Variants in CMTM4 observed in about 807,000 individuals in gnomAD.
The protein encoded by CMTM4 is CKLF-like MARVEL transmembrane domain-containing protein 4.
CMTM4 carries 8 observed loss-of-function variants against 19.0 expected under a neutral mutation model. The ratio of observed to expected loss-of-function variants is 0.42; its 90% confidence interval spans 0.25 to 0.76. The LOEUF is 0.76. Ranked by LOEUF, CMTM4 falls within the 30% of genes least tolerant of loss-of-function variation. CMTM4 has a pLI of 0.27. For synonymous variants in CMTM4, 106 were observed against 121.1 expected (o/e 0.88, Z 0.82); for missense variants, 228 against 290.2 (o/e 0.79, Z 1.56).
the CMTM4 span, among the ~76,000 whole-genome samples, chr16:66,601,101 GTGTGTC>G: frequency 1.4e-5 from 2 of 145,926 alleles, no homozygotes; most frequent in African/African-American, 5.3e-5. Flanking sequence ...GTGTGTGTGT[GTGTGTC>G]TGTGTGTGTG....
chr16:66,620,813 GAT>G lies in CMTM4; in HGVS notation c.*1243_*1244del, dbSNP rs1185757638. On this transcript the variant is annotated 3_prime_UTR_variant, in exon 4 of 4. Coordinates refer to ENST00000394106, the MANE Select transcript of CMTM4 (RefSeq NM_181521.3). The stretch of plus-strand genomic sequence containing the variant: ...ACTAAAACAACTTTTTTCCATAAAA[GAT>G]ATAATTACTCTCTAATTTTTTAAAA... The G allele has an allele frequency of 7.1e-6, 7 of 985,130 alleles. No individual in the cohort carries two copies. Among genetic ancestry groups the G allele is most frequent in the Non-Finnish European group, 7.2e-6 (6 of 829,600 alleles). The allele number at this position is 985,130 out of a possible 1,614,324, so 61.0% of individuals were successfully genotyped here. A position where few individuals can be genotyped will look rare whatever the true frequency, so the allele number is the denominator to read the frequency against.
the CMTM4 span, chr16:66,609,578 C>T: frequency 1.3e-6 from 2 of 1,544,738 alleles, no homozygotes; most frequent in Non-Finnish European, 8.8e-7. The surrounding 1 kb of genome is among the most constrained non-coding windows in gnomAD (Gnocchi z 4.4). Context: ...CCCCTCTAGC[C>T]CCTCATTTAG....
At chr16:66,669,768 T>C (rs1439969454) in intron 1 of CMTM4, among the ~76,000 whole-genome samples, 1 of 151,974 alleles carries the variant, frequency 6.6e-6, no homozygotes, top group Non-Finnish European at 1.5e-5. Context: ...ATGGTCTCGA[T>C]CTCCTGACCT....
chr16:66,688,849 T>G (rs1161458315), intron 1 of CMTM4, among the ~76,000 whole-genome samples: 1 of 152,234 alleles, frequency 6.6e-6, no homozygotes, highest in East Asian at 1.9e-4. Context: ...AGTGAGCAGA[T>G]TCTATACATG....
At chr16:66,648,806 T>C (rs528558230) in intron 1 of CMTM4, among the ~76,000 whole-genome samples, 2 of 151,934 alleles carry the variant, frequency 1.3e-5, no homozygotes, top group African/African-American at 4.8e-5. Context: ...ACCCCATCTC[T>C]ACTAAAAATA....
At chr16:66,608,966 T>C in the CMTM4 span, among the ~76,000 whole-genome samples, 4 of 152,122 alleles carry the variant, frequency 2.6e-5, no homozygotes, top group African/African-American at 9.7e-5. The surrounding 1 kb of genome is among the most constrained non-coding windows in gnomAD (Gnocchi z 5.1). Flanking sequence ...CTTGACTTCA[T>C]ATCCAGCATC....
the CMTM4 span, among the ~76,000 whole-genome samples, chr16:66,600,199 G>A: frequency 1.4e-5 from 2 of 146,894 alleles, no homozygotes; most frequent in African/African-American, 2.5e-5. Flanking sequence ...CTGGAGTGCA[G>A]TGGCACGATC....
At chr16:66,684,325 C>G (rs2016995507) in intron 1 of CMTM4, among the ~76,000 whole-genome samples, 2 of 152,068 alleles carry the variant, frequency 1.3e-5, no homozygotes, top group African/African-American at 2.4e-5. Flanking sequence ...AAGTACCCAC[C>G]ACCAAGCCTA....
In CMTM4 at chr16:66,620,779, A is replaced by C. The variant is rs1446897670; in HGVS notation, c.*1279T>G. ...ATTAAAAACAGTTCAAAGAGGGAAA[A>C]CCTGACAAACTAAAACAACTTTTTT... On this transcript the variant is annotated 3_prime_UTR_variant, in exon 4 of 4. Coordinates refer to ENST00000394106, the MANE Select transcript of CMTM4 (RefSeq NM_181521.3). 2.0e-6 allele frequency: 2 copies of C among 985,618 alleles called. No individual in the cohort carries two copies. Among genetic ancestry groups the C allele is most frequent in the African/African-American group, 3.5e-5 (2 of 57,216 alleles). The allele number at this position is 985,618 out of a possible 1,614,324, so 61.1% of individuals were successfully genotyped here.
At chr16:66,602,428 C>T in the CMTM4 span, among the ~76,000 whole-genome samples, 3 of 152,092 alleles carry the variant, frequency 2.0e-5, no homozygotes, top group Non-Finnish European at 2.9e-5. Flanking sequence ...TAGGTCCACA[C>T]GTGTTTGTGT....
chr16:66,638,531 T>C (rs559765057), intron 1 of CMTM4, among the ~76,000 whole-genome samples: 52 of 152,342 alleles, frequency 3.4e-4, no homozygotes, highest in African/African-American at 1.2e-3. Context: ...CATGGTGACT[T>C]AGTCAACAAC....
intron 1 of CMTM4, among the ~76,000 whole-genome samples, chr16:66,667,099 C>T (rs1389870778): frequency 6.6e-6 from 1 of 152,132 alleles, no homozygotes; most frequent in African/African-American, 2.4e-5. Flanking sequence ...CCGAGGCAGG[C>T]GGATCACCTG....
chr16:66,665,706 G>A (rs1241915172), intron 1 of CMTM4, among the ~76,000 whole-genome samples: 2 of 151,858 alleles, frequency 1.3e-5, no homozygotes, highest in Non-Finnish European at 2.9e-5. Context: ...AACCCAGGAG[G>A]CAGAGGCTGC....
At chr16:66,686,629 G>C (rs1407951514) in intron 1 of CMTM4, among the ~76,000 whole-genome samples, 1 of 151,918 alleles carries the variant, frequency 6.6e-6, no homozygotes, top group Non-Finnish European at 1.5e-5. Context: ...GAGCCATTAG[G>C]ACTTACAGAG....
chr16:66,635,628 G>C (rs2015976738), intron 2 of CMTM4, among the ~76,000 whole-genome samples: 1 of 152,220 alleles, frequency 6.6e-6, no homozygotes, highest in South Asian at 2.1e-4. Flanking sequence ...CAGCAGCTGA[G>C]GTGCCCACGG....
At chr16:66,637,498 C>T (rs931078244) in intron 1 of CMTM4, among the ~76,000 whole-genome samples, 1 of 152,038 alleles carries the variant, frequency 6.6e-6, no homozygotes, top group South Asian at 2.1e-4. Flanking sequence ...AAGCTGAGAT[C>T]GCGCCATTGC....
chr16:66,647,409 T>C (rs1011927014), intron 1 of CMTM4, among the ~76,000 whole-genome samples: 1 of 152,176 alleles, frequency 6.6e-6, no homozygotes, highest in East Asian at 1.9e-4. Flanking sequence ...GTTCTCTTTT[T>C]AGTCCAGATT....
At chr16:66,682,608 A>G (rs1350849423) in intron 1 of CMTM4, among the ~76,000 whole-genome samples, 1 of 152,182 alleles carries the variant, frequency 6.6e-6, no homozygotes, top group African/African-American at 2.4e-5. Context: ...TTCATTTGAA[A>G]TTGTCAACAA....
chr16:66,619,491 T>C lies in CMTM4; in HGVS notation c.*2567A>G, dbSNP rs2015589101. Reference sequence around the variant, plus strand: ...CAAATGCCCCAAACCAAACTGATATTGGTCCCTATTGAAACTATTAAACGC... The same window carrying C: ...CAAATGCCCCAAACCAAACTGATATCGGTCCCTATTGAAACTATTAAACGC... On this transcript the variant is annotated 3_prime_UTR_variant, in exon 4 of 4. Transcript: ENST00000394106. 2.0e-6 allele frequency: 2 copies of C among 985,368 alleles called. No homozygotes were observed. The highest frequency in any genetic ancestry group is 1.7e-5 in the African/African-American group (1 of 57,252). 61.0% of individuals were successfully genotyped at this position (985,368 alleles called of 1,614,324 possible).
Sources: allele counts gnomAD v4.1 joint callset (sites outside exome capture counted in the v4.1 genomes callset), GRCh38; gene constraint gnomAD v4.1.1; non-coding constraint Gnocchi (gnomAD v3.1); transcripts MANE v1.5; gene names NCBI Gene and HGNC (gene_info 2026-07-23, HGNC 2026-07-21).